Variants in CHD9 observed in about 807,000 individuals in gnomAD.
CHD9 encodes chromodomain helicase DNA binding protein 9.
Under a neutral mutation model 316.1 loss-of-function variants are expected in CHD9, and 77 were observed. The observed-to-expected ratio is 0.24, with a 90% CI of 0.20 to 0.29. The LOEUF (loss-of-function observed/expected upper bound fraction) is 0.29. Ranked by LOEUF, CHD9 falls within the 10% of genes least tolerant of loss-of-function variation. The pLI is 1.00. For synonymous variants in CHD9, 1,129 were observed against 1,158.3 expected (o/e 0.97, Z 0.51); for missense variants, 2,763 against 3,438.1 (o/e 0.80, Z 4.91).
intron 1 of CHD9, among the ~76,000 whole-genome samples, chr16:53,100,131 G>A (rs376505886): frequency 1.3e-5 from 2 of 152,234 alleles, no homozygotes; most frequent in East Asian, 3.9e-4. Flanking sequence ...GGAGAGGTGA[G>A]GAATTGTGCA....
At chr16:53,274,128 AT>A in intron 23 of CHD9, 84 bp from the exon 24 acceptor site, 1 of 816,544 alleles carries the variant, frequency 1.2e-6, no homozygotes, top group South Asian at 1.5e-5. Flanking sequence ...CTGTACACAA[AT>A]TCCTTCCTAA....
chr16:53,278,894 C>A (rs2053132481), intron 24 of CHD9, among the ~76,000 whole-genome samples: 1 of 152,134 alleles, frequency 6.6e-6, no homozygotes, highest in Non-Finnish European at 1.5e-5. Context: ...AATAGGAACA[C>A]TTTTACACTG....
chr16:53,083,311 C>T (rs1477452142), intron 1 of CHD9, among the ~76,000 whole-genome samples: 3 of 152,334 alleles, frequency 2.0e-5, no homozygotes, highest in South Asian at 2.1e-4. Flanking sequence ...ATTTAACACA[C>T]TTGCCCTTGC....
intron 2 of CHD9, among the ~76,000 whole-genome samples, chr16:53,209,215 T>A (rs1279100362): frequency 6.6e-6 from 1 of 152,216 alleles, no homozygotes; most frequent in Non-Finnish European, 1.5e-5. Context: ...AGGACAAAAC[T>A]TGAATCAACT....
At chr16:53,187,294 G>A (rs1238531276) in intron 2 of CHD9, among the ~76,000 whole-genome samples, 1 of 152,104 alleles carries the variant, frequency 6.6e-6, no homozygotes, top group Non-Finnish European at 1.5e-5. Flanking sequence ...GATCACTTGA[G>A]GCTAGGAGTT....
intron 34 of CHD9, 72 bp from the exon 35 acceptor site, chr16:53,314,305 A>G: frequency 9.2e-7 from 1 of 1,090,638 alleles, no homozygotes; most frequent in Middle Eastern, 2.3e-4. Flanking sequence ...TCATATATTT[A>G]GGAAAGGGAT....
At chr16:53,091,187 C>T (rs980582783) in intron 1 of CHD9, among the ~76,000 whole-genome samples, 1 of 152,178 alleles carries the variant, frequency 6.6e-6, no homozygotes, top group African/African-American at 2.4e-5. Flanking sequence ...TGGAAGGAAG[C>T]CTGGGAAGGG....
chr16:53,145,276 C>T (rs2040477286), intron 1 of CHD9, among the ~76,000 whole-genome samples: 1 of 151,708 alleles, frequency 6.6e-6, no homozygotes, highest in Admixed American at 6.6e-5. Flanking sequence ...CTCAGCCTCC[C>T]AAATAGCTGG....
intron 37 of CHD9, chr16:53,319,706 T>C (rs2057134147): frequency 2.1e-6 from 1 of 481,148 alleles, no homozygotes; most frequent in Non-Finnish European, 3.1e-6. Context: ...TTGGGTTTGA[T>C]ATTAAACATT....
chr16:53,192,741 T>C (rs77212253), intron 2 of CHD9, among the ~76,000 whole-genome samples: 5,999 of 152,266 alleles, frequency 0.039, 412 homozygotes, highest in African/African-American at 0.14. Flanking sequence ...AATCATGCAG[T>C]ATATTGTGTT....
intron 1 of CHD9, among the ~76,000 whole-genome samples, chr16:53,101,261 T>C (rs1008792748): frequency 8.7e-5 from 13 of 150,122 alleles, no homozygotes; most frequent in Non-Finnish European, 1.8e-4. Context: ...CAATCTCACA[T>C]TTTTTCCTTT....
At chr16:53,261,102 A>C (rs971013208) in intron 19 of CHD9, among the ~76,000 whole-genome samples, 2 of 151,884 alleles carry the variant, frequency 1.3e-5, no homozygotes, top group Admixed American at 6.6e-5. Context: ...AAGCAAAAAA[A>C]AAAAAAAGGG....
chr16:53,108,829 C>T (rs543910852), intron 1 of CHD9, among the ~76,000 whole-genome samples: 69 of 151,364 alleles, frequency 4.6e-4, no homozygotes, highest in African/African-American at 1.5e-3. Context: ...GAGCTGAGAT[C>T]GATCCATTGC....
chr16:53,285,040 T>C (rs2041791), intron 24 of CHD9, among the ~76,000 whole-genome samples: 42,269 of 152,078 alleles, frequency 0.28, 5,969 homozygotes, highest in Middle Eastern at 0.32. Flanking sequence ...GTGTTGGGAT[T>C]ACATACATGA....
intron 19 of CHD9, among the ~76,000 whole-genome samples, chr16:53,258,834 C>T (rs989757791): frequency 3.3e-5 from 5 of 151,902 alleles, no homozygotes; most frequent in Admixed American, 2.6e-4. Flanking sequence ...GAAAAAGAAA[C>T]GTTTCTAGTC....
At chr16:53,169,318 C>G (rs2152775442) in intron 2 of CHD9, 1 of 152,234 alleles carries the variant, frequency 6.6e-6, no homozygotes, top group South Asian at 2.1e-4. Flanking sequence ...CCTTGACCTC[C>G]CAAAGCACTG....
At chr16:53,195,541 C>G (rs1273304629) in intron 2 of CHD9, among the ~76,000 whole-genome samples, 2 of 152,066 alleles carry the variant, frequency 1.3e-5, no homozygotes, top group Admixed American at 1.3e-4. Flanking sequence ...ATCTGAGGCT[C>G]AGGGTCTAGG....
At chr16:53,070,528 CCTTCCT>C (rs1329073872) in intron 1 of CHD9, among the ~76,000 whole-genome samples, 33 of 20,768 alleles carry the variant, frequency 1.6e-3, no homozygotes, top group African/African-American at 6.0e-3. Flanking sequence ...TTCCTTCCTT[CCTTCCT>C]CTCTCTCTCT....
intron 11 of CHD9, among the ~76,000 whole-genome samples, chr16:53,238,060 C>A (rs892672492): frequency 1.3e-5 from 2 of 152,052 alleles, no homozygotes; most frequent in African/African-American, 4.8e-5. Flanking sequence ...TTAAATGATT[C>A]CTGAACAAAT....
Sources: gnomAD v4.1 joint callset for allele counts (sites outside exome capture counted in the v4.1 genomes callset) on GRCh38, gnomAD v4.1.1 for gene constraint, MANE v1.5 for transcripts, NCBI Gene and HGNC (gene_info 2026-07-23, HGNC 2026-07-21) for gene names.